Variants in NUP188 observed in about 807,000 individuals in gnomAD.
NUP188 encodes nucleoporin 188, also known as nucleoporin NUP188.
A neutral mutation model predicts 223.0 loss-of-function variants in NUP188; 97 were observed. The observed-to-expected ratio is 0.43, with a 90% CI of 0.37 to 0.51. The LOEUF is 0.51. NUP188 is among the 20% of genes least tolerant of loss of function. The pLI, the probability that NUP188 is intolerant of heterozygous loss-of-function variation, is 0.00. For synonymous variants in NUP188, 869 were observed against 828.0 expected (o/e 1.05, Z -0.85); for missense variants, 1,947 against 2,175.6 (o/e 0.89, Z 2.09).
In NUP188 at chr9:129,001,976, GGTGA is replaced by G; in HGVS notation, c.4137+4_4137+7del. ...AGCTGAGCACCAACGGCACAGCACA[GGTGA>G]GTGTCAGGAGCTTGCCAGGAGGCCC... On this transcript the variant is annotated splice_donor_variant and splice_donor_region_variant and intron_variant, in intron 36 of 43. Transcript: ENST00000372577. LOFTEE classifies it high-confidence loss of function. 6.2e-7 allele frequency: 1 copy of G among 1,613,406 alleles called. No homozygotes were observed. Among genetic ancestry groups the G allele is most frequent in the Non-Finnish European group, 8.5e-7 (1 of 1,179,340 alleles).
intron 13 of NUP188, among the ~76,000 whole-genome samples, chr9:128,980,172 C>T (rs951223592): frequency 1.3e-5 from 2 of 152,122 alleles, no homozygotes; most frequent in East Asian, 1.9e-4. Context: ...TGTATTTTAC[C>T]CTCTTTTTTG....
In NUP188 at chr9:128,994,846, A is replaced by C; in HGVS notation, c.3088-10A>C. On this transcript the variant is annotated splice_polypyrimidine_tract_variant and intron_variant, in intron 28 of 43. Transcript: ENST00000372577. ...AGATGTGATAATTGCCTGTTCTGCT[A>C]TCTCCACAGCCCAGCATCCTGGAAA... 1 of 1,612,048 alleles carries C rather than the reference A, an allele frequency of 6.2e-7. No individual in the cohort carries two copies. Among genetic ancestry groups the C allele is most frequent in the Non-Finnish European group, 8.5e-7 (1 of 1,178,180 alleles).
intron 23 of NUP188, 146 bp from the exon 24 acceptor site, chr9:128,987,901 C>A: frequency 8.8e-7 from 1 of 1,141,472 alleles, no homozygotes; most frequent in Non-Finnish European, 1.3e-6. Context: ...GTTGATTACT[C>A]CTCCTCTCTC....
intron 8 of NUP188, among the ~76,000 whole-genome samples, chr9:128,965,084 T>C (rs1318895490): frequency 6.6e-6 from 1 of 152,352 alleles, no homozygotes; most frequent in East Asian, 1.9e-4. Flanking sequence ...TCCTTAAATG[T>C]TTGATAGAAT....
Position 128,988,165 on chromosome 9 carries a change from G to C in NUP188, c.2512G>C (p.Glu838Gln). ...KPPSNVVSPL[E>Q]QALSQHGAHG... is the part of the protein sequence containing the mutation. ...TCCTTCTAATGTGGTGTCCCCCCTGGAACAGGCTCTCTCACAACATGGTAT... is the reference window on the plus strand; with the variant it reads ...TCCTTCTAATGTGGTGTCCCCCCTGCAACAGGCTCTCTCACAACATGGTAT... The change falls in exon 24 of 44, where the codon GAA (glutamate) becomes CAA (glutamine). Residue 838 changes from glutamate to glutamine, a missense_variant. Glu to Gln is a conservative substitution (Grantham distance 29, BLOSUM62 2). Around this residue, in one of 3 missense-constraint regions of NUP188, gnomAD observed 225 missense variants for 319.1 expected, o/e 0.71. Coordinates refer to ENST00000372577, the MANE Select transcript of NUP188 (RefSeq NM_015354.3). The C allele has an allele frequency of 6.2e-7, 1 of 1,613,964 alleles. No individual in the cohort carries two copies. Among genetic ancestry groups the C allele is most frequent in the Non-Finnish European group, 8.5e-7 (1 of 1,179,958 alleles).
At position 128,968,603 on chromosome 9, in the gene NUP188, C is replaced by T. The variant is rs1842064277; in HGVS notation, c.683C>T (p.Ala228Val). Residue 228 changes from alanine (A) to valine (V), a missense_variant, in exon 9 of 44, where the codon GCA becomes GTA. Physicochemically the swap from Ala to Val is moderately conservative, Grantham distance 64. Transcript: ENST00000372577. ...IFLYYAYFEM[A>V]PSDLLVLTKM... is the part of the protein sequence containing the mutation. ...CTTTATTATGCATACTTTGAGATGGCACCCAGTGACTTACTTGTATTAACC... is the reference window on the plus strand; with the variant it reads ...CTTTATTATGCATACTTTGAGATGGTACCCAGTGACTTACTTGTATTAACC... 2 of 1,613,698 alleles carry T rather than the reference C, an allele frequency of 1.2e-6. No homozygotes were observed. The highest frequency in any genetic ancestry group is 2.7e-5 in the African/African-American group (2 of 74,914).
In NUP188 at chr9:129,006,993, G is replaced by A. The variant is rs1003074877; in HGVS notation, c.*315G>A. On this transcript the variant is annotated 3_prime_UTR_variant, in exon 44 of 44. Coordinates refer to ENST00000372577, the MANE Select transcript of NUP188 (RefSeq NM_015354.3). ...AGGGGAGAGGCGGCAGCCCAGCAGA[G>A]GGCTCTATGCACGGGTTTCAAACCT... 1.7e-5 allele frequency: 5 copies of A among 296,594 alleles called. No homozygotes were observed. The highest frequency in any genetic ancestry group is 9.5e-4 in the Middle Eastern group (1 of 1,048). The allele number at this position is 296,594 out of a possible 1,614,324, so 18.4% of individuals were successfully genotyped here. A position where few individuals can be genotyped will look rare whatever the true frequency, so the allele number is the denominator to read the frequency against.
intron 20 of NUP188, 25 bp downstream of exon 20, chr9:128,985,039 G>C (rs746474533): frequency 1.9e-6 from 3 of 1,545,544 alleles, no homozygotes; most frequent in Admixed American, 3.4e-5. Context: ...TGTTCACAAA[G>C]GGCAGAAAAA....
chr9:128,995,100 T>C, intron 29 of NUP188, 177 bp downstream of exon 29: 1 of 639,414 alleles, frequency 1.6e-6, no homozygotes, highest in East Asian at 2.7e-5. Flanking sequence ...TTTATGATTG[T>C]CAGAAAGAGT....
intron 32 of NUP188, 86 bp downstream of exon 32, chr9:128,998,709 G>T: frequency 9.2e-7 from 1 of 1,089,286 alleles, no homozygotes; most frequent in South Asian, 1.3e-5. Flanking sequence ...GAAATAGTGG[G>T]TGGAAGCTGG....
At chr9:128,994,773 C>T in intron 28 of NUP188, 83 bp from the exon 29 acceptor site, 2 of 1,142,012 alleles carry the variant, frequency 1.8e-6, no homozygotes, top group African/African-American at 1.5e-5. Flanking sequence ...AAGTGTTGGG[C>T]CCCTGCTCTG....
chr9:128,999,417 G>A, intron 33 of NUP188, 100 bp downstream of exon 33: 1 of 1,466,946 alleles, frequency 6.8e-7, no homozygotes, highest in Non-Finnish European at 9.2e-7. Context: ...ATTTCTTCTG[G>A]GACTTTTGAG....
intron 19 of NUP188, among the ~76,000 whole-genome samples, chr9:128,984,288 C>T (rs930465045): frequency 1.3e-5 from 2 of 151,802 alleles, no homozygotes; most frequent in African/African-American, 2.4e-5. Flanking sequence ...CACCACGCCC[C>T]GGTAATTTTG....
intron 8 of NUP188, among the ~76,000 whole-genome samples, chr9:128,959,605 T>G (rs1199693383): frequency 6.8e-6 from 1 of 147,754 alleles, no homozygotes; most frequent in Non-Finnish European, 1.5e-5. Flanking sequence ...CAATCTCAGC[T>G]CACTGCAACC....
chr9:128,962,485 C>A (rs7870479), intron 8 of NUP188, among the ~76,000 whole-genome samples: 1 of 151,746 alleles, frequency 6.6e-6, no homozygotes, highest in Non-Finnish European at 1.5e-5. Context: ...TCCTGACCTC[C>A]TGACCCACCC....
At chr9:128,985,095 C>A in intron 20 of NUP188, 81 bp downstream of exon 20, 2 of 947,290 alleles carry the variant, frequency 2.1e-6, no homozygotes, top group Non-Finnish European at 3.3e-6. Context: ...GTTTCCCTGG[C>A]CCCTGGTGCT....
chr9:128,954,109 C>T (rs1211836951), intron 3 of NUP188, among the ~76,000 whole-genome samples: 7 of 152,144 alleles, frequency 4.6e-5, no homozygotes, highest in East Asian at 1.9e-4. Flanking sequence ...AGATTACAGG[C>T]GTGAGCCGTC....
At chr9:128,953,744 C>T (rs930897762) in intron 3 of NUP188, among the ~76,000 whole-genome samples, 2 of 152,040 alleles carry the variant, frequency 1.3e-5, no homozygotes, top group African/African-American at 2.4e-5. Context: ...GAAACTGAGG[C>T]ACAAAGAGGT....
chr9:128,985,235 G>A (rs1842317432), intron 20 of NUP188: 2 of 433,416 alleles, frequency 4.6e-6, no homozygotes. Context: ...TTTATTTAAT[G>A]ATTGGAAGGT....
Sources: allele counts gnomAD v4.1 joint callset (sites outside exome capture counted in the v4.1 genomes callset), GRCh38; gene constraint gnomAD v4.1.1; regional missense constraint gnomAD v4.1.1; transcripts MANE v1.5; gene names NCBI Gene and HGNC (gene_info 2026-07-23, HGNC 2026-07-21).